SLIT2: variants seen among roughly 807,000 people sequenced by gnomAD.
The protein encoded by SLIT2 is slit homolog 2 protein.
A neutral mutation model predicts 185.7 loss-of-function variants in SLIT2; 41 were observed. The ratio of observed to expected loss-of-function variants is 0.22; its 90% CI spans 0.17 to 0.29. SLIT2 has a LOEUF of 0.29. Ranked by LOEUF, SLIT2 falls within the 10% of genes least tolerant of loss-of-function variation. SLIT2 has a pLI of 1.00. For synonymous variants in SLIT2, 693 were observed against 680.2 expected, an observed-to-expected ratio of 1.02 and a Z score of -0.29; for missense variants, 1,571 against 1,909.0, an observed-to-expected ratio of 0.82 and a Z score of 3.30.
chr4:20,548,586 A>G (rs1723457931), intron 23 of SLIT2, 27 bp downstream of exon 23: 3 of 1,355,396 alleles, frequency 2.2e-6, no homozygotes, highest in Non-Finnish European at 3.2e-6. Flanking sequence ...GGTACTGAGT[A>G]TTCATTAATT....
intron 4 of SLIT2, among the ~76,000 whole-genome samples, chr4:20,410,799 A>T (rs1727192927): frequency 6.6e-6 from 1 of 152,038 alleles, no homozygotes; most frequent in Non-Finnish European, 1.5e-5. Flanking sequence ...TACCAGTATC[A>T]TGCTGTTTTG....
chr4:20,533,934 TACAC>T (rs3049205), intron 18 of SLIT2, among the ~76,000 whole-genome samples: 27,113 of 150,998 alleles, frequency 0.18, 2,813 homozygotes, highest in East Asian at 0.33. Context: ...CGATGTGTGT[TACAC>T]ACACACACAC....
At chr4:20,345,648 G>A (rs986416332) in intron 4 of SLIT2, among the ~76,000 whole-genome samples, 9 of 148,828 alleles carry the variant, frequency 6.0e-5, no homozygotes, top group East Asian at 2.0e-4. Context: ...CAATTCTCCT[G>A]CCTCAGCTTC....
chr4:20,555,390 G>A (rs1180336276), intron 26 of SLIT2, among the ~76,000 whole-genome samples: 1 of 152,088 alleles, frequency 6.6e-6, no homozygotes, highest in East Asian at 1.9e-4. Flanking sequence ...TTCACTTTTT[G>A]GTAAGAGTTA....
intron 4 of SLIT2, among the ~76,000 whole-genome samples, chr4:20,312,881 G>T (rs1718250171): frequency 6.6e-6 from 1 of 150,534 alleles, no homozygotes; most frequent in Non-Finnish European, 1.5e-5. Flanking sequence ...AGATTTTCTT[G>T]CTCTTATTAT....
intron 29 of SLIT2, among the ~76,000 whole-genome samples, chr4:20,571,471 G>A (rs975364506): frequency 6.6e-6 from 1 of 152,106 alleles, no homozygotes; most frequent in Admixed American, 6.6e-5. Flanking sequence ...CACATGAAAT[G>A]AGCTCATTTA....
intron 4 of SLIT2, among the ~76,000 whole-genome samples, chr4:20,374,588 A>C (rs1033289220): frequency 3.3e-5 from 5 of 151,914 alleles, no homozygotes; most frequent in Non-Finnish European, 7.4e-5. Context: ...CTACTCCTTC[A>C]ACTTTCTTCT....
At chr4:20,523,978 G>C (rs764328998) in intron 13 of SLIT2, 36 bp from the exon 14 acceptor site, 4 of 1,613,028 alleles carry the variant, frequency 2.5e-6, no homozygotes, top group Non-Finnish European at 3.4e-6. Flanking sequence ...TCCATTGCAA[G>C]TCATCTATAA....
chr4:20,577,698 C>G (rs1726193121), intron 29 of SLIT2, among the ~76,000 whole-genome samples: 1 of 152,136 alleles, frequency 6.6e-6, no homozygotes, highest in South Asian at 2.1e-4. Flanking sequence ...CTATATCCAC[C>G]CTGTGCTATA....
At chr4:20,365,556 CT>C (rs1560356469) in intron 4 of SLIT2, among the ~76,000 whole-genome samples, 2 of 152,088 alleles carry the variant, frequency 1.3e-5, no homozygotes, top group Admixed American at 1.3e-4. Context: ...TCACTTCTTT[CT>C]TTTTTTCAGG....
chr4:20,596,698 T>C (rs1237133396), intron 32 of SLIT2, 43 bp downstream of exon 32: 1 of 1,576,262 alleles, frequency 6.3e-7, no homozygotes. Context: ...GATCTTAAAA[T>C]TCAGCTTCAG....
At chr4:20,510,304 C>T (rs1472554436) in intron 9 of SLIT2, among the ~76,000 whole-genome samples, 191 bp from the exon 10 acceptor site, 1 of 152,014 alleles carries the variant, frequency 6.6e-6, no homozygotes, top group Non-Finnish European at 1.5e-5. Flanking sequence ...TTTATAATTG[C>T]TTAGTTTTTA....
At chr4:20,380,957 C>G (rs1724457059) in intron 4 of SLIT2, among the ~76,000 whole-genome samples, 1 of 151,916 alleles carries the variant, frequency 6.6e-6, no homozygotes, top group African/African-American at 2.4e-5. Context: ...CAAAGCACAT[C>G]AAAATAAAAT....
chr4:20,571,029 A>C (rs1035142122), intron 29 of SLIT2, among the ~76,000 whole-genome samples: 1 of 151,996 alleles, frequency 6.6e-6, no homozygotes, highest in Non-Finnish European at 1.5e-5. Flanking sequence ...GTCAGTTCAG[A>C]GCAGTTTCCT....
chr4:20,533,200 G>C (rs1052429353), intron 17 of SLIT2, among the ~76,000 whole-genome samples: 2 of 152,164 alleles, frequency 1.3e-5, no homozygotes. Context: ...CCACCTAGTT[G>C]CCTTCTTTTA....
chr4:20,388,949 TATATATGTCAAAAA>T (rs530205248), intron 4 of SLIT2, among the ~76,000 whole-genome samples: 12,144 of 145,566 alleles, frequency 0.083, 584 homozygotes, highest in Non-Finnish European at 0.11. Context: ...CACATACATG[TATATATGTCAAAAA>T]ATATATGTCA....
At chr4:20,513,190 A>G (rs957209978) in intron 11 of SLIT2, among the ~76,000 whole-genome samples, 1 of 152,228 alleles carries the variant, frequency 6.6e-6, no homozygotes, top group African/African-American at 2.4e-5. Flanking sequence ...TTACTTGCAG[A>G]TAAAGTAAAC....
chr4:20,599,993 A>G (rs959996467), intron 33 of SLIT2, among the ~76,000 whole-genome samples: 6 of 152,204 alleles, frequency 3.9e-5, no homozygotes, highest in Non-Finnish European at 7.3e-5. Flanking sequence ...AAACAAACAC[A>G]TAATTATTGG....
chr4:20,484,976 C>G lies in SLIT2; in HGVS notation c.540-1224C>G, dbSNP rs146208401. Among the ~76,000 whole-genome samples the G allele has an allele frequency of 2.7e-4, 41 of 152,230 alleles. No individual in the cohort carries two copies. The highest frequency in any genetic ancestry group is 9.6e-4 in the African/African-American group (40 of 41,558). Reference sequence around the variant, plus strand: ...CGCTCATTTCTGTTCTCTGCTCAGGCCCTGCAGTGAACTTGCAACCCCTAA... The same window carrying G: ...CGCTCATTTCTGTTCTCTGCTCAGGGCCTGCAGTGAACTTGCAACCCCTAA... On this transcript the variant is annotated intron_variant, in intron 6 of 36. Coordinates refer to ENST00000504154, the MANE Select transcript of SLIT2 (RefSeq NM_004787.4). This position sits in a 1 kb window ranked among gnomAD's most constrained non-coding sequence, Gnocchi z 4.3.
Sources: allele counts gnomAD v4.1 joint callset (sites outside exome capture counted in the v4.1 genomes callset), GRCh38; gene constraint gnomAD v4.1.1; non-coding constraint Gnocchi (gnomAD v3.1); transcripts MANE v1.5; gene names NCBI Gene and HGNC (gene_info 2026-07-23, HGNC 2026-07-21).